ATAD2: variants seen among roughly 807,000 people sequenced by gnomAD.
The protein encoded by ATAD2 is ATPase family AAA domain-containing protein 2.
ATAD2 carries 62 observed loss-of-function variants against 168.9 expected under a neutral mutation model. The ratio of observed to expected loss-of-function variants is 0.37; its 90% confidence interval spans 0.30 to 0.45. The LOEUF (loss-of-function observed/expected upper bound fraction) is 0.45, where lower values mean the gene tolerates loss of function less well. Ranked by LOEUF, ATAD2 falls within the 20% of genes least tolerant of loss-of-function variation. The pLI, the probability that ATAD2 is intolerant of heterozygous loss-of-function variation, is 1.00. For synonymous variants in ATAD2, 613 were observed against 571.6 expected (o/e 1.07, Z -1.03); for missense variants, 1,419 against 1,667.8 (o/e 0.85, Z 2.60).
intron 24 of ATAD2, among the ~76,000 whole-genome samples, chr8:123,330,986 G>C (rs947862521): frequency 2.6e-5 from 4 of 152,008 alleles, no homozygotes; most frequent in African/African-American, 9.7e-5. Context: ...GCAGTGGCAC[G>C]ATCTTGGCTC....
intron 19 of ATAD2, 118 bp from the exon 20 acceptor site, chr8:123,339,564 T>A: frequency 2.2e-6 from 2 of 928,080 alleles, no homozygotes; most frequent in Non-Finnish European, 3.2e-6. Flanking sequence ...GTATTCAGTA[T>A]GTCCCTCCAC....
At chr8:123,354,864 A>AAAATATATAT (rs1554644338) in intron 13 of ATAD2, among the ~76,000 whole-genome samples, 8 of 64,704 alleles carry the variant, frequency 1.2e-4, no homozygotes, top group African/African-American at 6.1e-4. Flanking sequence ...AAAAAAAAAA[A>AAAATATATAT]ATATATATAT....
At chr8:123,330,605 G>A (rs529704365) in intron 24 of ATAD2, among the ~76,000 whole-genome samples, 5 of 151,396 alleles carry the variant, frequency 3.3e-5, no homozygotes, top group East Asian at 4.0e-4. Context: ...CTCGTGATCC[G>A]CCCACCCTGG....
At chr8:123,356,311 T>G (rs1386813788) in intron 13 of ATAD2, 78 bp downstream of exon 13, 69 of 1,210,814 alleles carry the variant, frequency 5.7e-5, no homozygotes, top group Non-Finnish European at 7.6e-5. Context: ...CTTTCACCAT[T>G]TAACATTCTA....
In ATAD2 at chr8:123,369,128, A is replaced by T. The variant is rs1666369793; in HGVS notation, c.979T>A (p.Ser327Thr). The T allele has an allele frequency of 6.3e-7, 1 of 1,592,804 alleles. No individual in the cohort carries two copies. The highest frequency in any genetic ancestry group is 8.6e-7 in the Non-Finnish European group (1 of 1,166,734). Residue 327 changes from serine to threonine, a missense_variant, in exon 8 of 28, where the codon TCT becomes ACT. Around this residue, in one of 5 missense-constraint regions of ATAD2, gnomAD observed 419 missense variants for 423.5 expected, o/e 0.99. Coordinates refer to ENST00000287394, the MANE Select transcript of ATAD2 (RefSeq NM_014109.4). ...KPNIFYSGPASPARPRYRLSS... is the reference protein window; with the variant it reads ...KPNIFYSGPATPARPRYRLSS... ...AATCGGTATCTTGGTCTTGCAGGAG[A>T]AGCTGGGCCACTATAAAATATGTTG...
intron 1 of ATAD2, among the ~76,000 whole-genome samples, chr8:123,403,761 T>C (rs1813036415): frequency 6.6e-6 from 1 of 152,172 alleles, no homozygotes; most frequent in South Asian, 2.1e-4. Context: ...TGAGAGAAGA[T>C]GGCGGCCTGG....
chr8:123,325,469 G>C lies in ATAD2; in HGVS notation c.4002+424C>G, dbSNP rs548695909. On this transcript the variant is annotated intron_variant, in intron 26 of 27. Transcript: ENST00000287394. ...AGCTAATTTTGTTTTTGTATTTTTA[G>C]TAGAGATGGGGTTTCACCGTGTTAG... Among the ~76,000 whole-genome samples the C allele has an allele frequency of 1.1e-3, 166 of 151,984 alleles. 3 individuals carry two copies. The highest frequency in any genetic ancestry group is 2.1e-3 in the Non-Finnish European group (142 of 68,006).
At chr8:123,354,406 A>T (rs1423580670) in intron 13 of ATAD2, among the ~76,000 whole-genome samples, 2 of 152,104 alleles carry the variant, frequency 1.3e-5, no homozygotes, top group Non-Finnish European at 2.9e-5. Context: ...AATTTCTTTT[A>T]AAAATGTAGC....
chr8:123,376,064 C>A (rs932038600), intron 2 of ATAD2, among the ~76,000 whole-genome samples: 5 of 150,282 alleles, frequency 3.3e-5, no homozygotes, highest in African/African-American at 1.2e-4. Flanking sequence ...AAGATTGAGC[C>A]ACTGCATTCC....
At chr8:123,339,996 C>G (rs1202051206) in intron 19 of ATAD2, among the ~76,000 whole-genome samples, 3 of 151,926 alleles carry the variant, frequency 2.0e-5, no homozygotes, top group African/African-American at 7.3e-5. Context: ...CTCAAGCAAT[C>G]CTCTTATCTC....
chr8:123,384,450 C>T (rs540897991), intron 1 of ATAD2, among the ~76,000 whole-genome samples: 2 of 152,244 alleles, frequency 1.3e-5, no homozygotes, highest in South Asian at 4.1e-4. Context: ...TTTTCATGGT[C>T]ATTGATCCAT....
intron 1 of ATAD2, chr8:123,401,490 G>A: frequency 1.9e-6 from 3 of 1,571,342 alleles, no homozygotes; most frequent in Non-Finnish European, 2.6e-6. Flanking sequence ...CGTGGTGACA[G>A]CAGCCCAGGC....
intron 1 of ATAD2, among the ~76,000 whole-genome samples, chr8:123,412,299 A>G (rs189734931): frequency 4.4e-4 from 67 of 152,362 alleles, no homozygotes; most frequent in Admixed American, 3.0e-3. Context: ...TCTTTGTTAC[A>G]GCAATGTCAC....
At chr8:123,331,841 G>A (rs1586858052) in intron 24 of ATAD2, among the ~76,000 whole-genome samples, 1 of 152,110 alleles carries the variant, frequency 6.6e-6, no homozygotes, top group Non-Finnish European at 1.5e-5. Context: ...ACTGCTCACC[G>A]CATCACACAT....
At chr8:123,386,759 G>T (rs1829656727) in intron 1 of ATAD2, among the ~76,000 whole-genome samples, 1 of 152,022 alleles carries the variant, frequency 6.6e-6, no homozygotes, top group Non-Finnish European at 1.5e-5. Flanking sequence ...CAAGAAAAGG[G>T]GTGGATGGGG....
chr8:123,373,068 A>T (rs113045500), intron 2 of ATAD2, among the ~76,000 whole-genome samples: 41 of 151,368 alleles, frequency 2.7e-4, no homozygotes, highest in African/African-American at 9.9e-4. Flanking sequence ...AATTTTTTGG[A>T]TTTTTAGTAG....
chr8:123,403,435 T>C (rs1357707318), intron 1 of ATAD2, among the ~76,000 whole-genome samples: 1 of 151,444 alleles, frequency 6.6e-6, no homozygotes, highest in Non-Finnish European at 1.5e-5. Context: ...CATTTATTGA[T>C]TTATTTTAGA....
At chr8:123,350,472 T>G (rs1355409342) in intron 13 of ATAD2, among the ~76,000 whole-genome samples, 1 of 152,214 alleles carries the variant, frequency 6.6e-6, no homozygotes, top group Non-Finnish European at 1.5e-5. Context: ...CCTGTTTACA[T>G]TTGATTTAGT....
rs772510886 is a variant in ATAD2 at position 123,328,186 on chromosome 8, G to GT, written c.3868+3dup. On this transcript the variant is annotated splice_donor_region_variant and intron_variant, in intron 25 of 27. Coordinates refer to ENST00000287394, the MANE Select transcript of ATAD2 (RefSeq NM_014109.4). ...GTAAATTATTTTAATTGAAAAAGAC[G>GT]TACCTTTTCCTTCATTTTCATCAGA... 2.2e-6 allele frequency: 3 copies of GT among 1,363,128 alleles called. No homozygotes were observed. The highest frequency in any genetic ancestry group is 4.9e-4 in the Middle Eastern group (2 of 4,048). 84.4% of individuals were successfully genotyped at this position (1,363,128 alleles called of 1,614,324 possible).
Sources: gnomAD v4.1 joint callset for allele counts (sites outside exome capture counted in the v4.1 genomes callset) on GRCh38, gnomAD v4.1.1 for gene constraint, gnomAD v4.1.1 regional missense constraint, MANE v1.5 for transcripts, NCBI Gene and HGNC (gene_info 2026-07-23, HGNC 2026-07-21) for gene names.